The following B4GALNT4 variants were observed in gnomAD, a reference collection of about 807,000 sequenced individuals.
B4GALNT4 encodes N-acetyl-beta-glucosaminyl-glycoprotein 4-beta-N-acetylgalactosaminyltransferase 1.
B4GALNT4 carries 77 observed loss-of-function variants against 110.0 expected under a neutral mutation model. That is an observed-to-expected ratio of 0.70 (90% confidence interval 0.58 to 0.85). The LOEUF (loss-of-function observed/expected upper bound fraction) is 0.85. B4GALNT4 is among the 40% of genes least tolerant of loss of function. B4GALNT4 has a pLI of 0.00. For synonymous variants in B4GALNT4, 785 were observed against 655.5 expected (o/e 1.20, Z -3.02); for missense variants, 1,575 against 1,506.0 (o/e 1.05, Z -0.76).
At chr11:381,602 C>T (rs912759038) in intron 19 of B4GALNT4, 67 bp from the exon 20 acceptor site, 9 of 1,410,150 alleles carry the variant, frequency 6.4e-6, no homozygotes, top group South Asian at 5.8e-5. Context: ...CCCCCGGCCC[C>T]GGGGTCCTGA....
Position 372,700 on chromosome 11 carries a change from G to T in B4GALNT4, c.294G>T (p.Gly98=), listed in dbSNP as rs35475866. The change falls in exon 3 of 20, where the codon GGG becomes GGT. Residue 98 remains glycine, a synonymous_variant. Coordinates refer to ENST00000329962, the MANE Select transcript of B4GALNT4 (RefSeq NM_178537.5). ...ACCTAGACATGCTGTTTCCTGGGGG[G>T]GCTGGGAGGCTGCCACTGAACTTCA... is the stretch of plus-strand genomic sequence containing the variant. The part of the protein sequence containing the change: ...GRDLDMLFPG[G]AGRLPLNFTH... 5.1e-5 allele frequency: 82 copies of T among 1,610,852 alleles called. 1 individual carries two copies. The South Asian group carries it at 5.3e-4, about 10-fold the overall frequency.
rs372912129 is a variant in B4GALNT4 at position 373,314 on chromosome 11, G to C, written c.636+23G>C. 4 of 1,598,816 alleles carry C rather than the reference G, an allele frequency of 2.5e-6. No homozygotes were observed. The East Asian group carries it at 9.0e-5, about 36-fold the overall frequency. Reference sequence around the variant, plus strand: ...AAGGTACCCCCACCCCAGCCCTGGTGTCGTCCCGGGCCTCCTGCAGCTCAG... The same window carrying C: ...AAGGTACCCCCACCCCAGCCCTGGTCTCGTCCCGGGCCTCCTGCAGCTCAG... On this transcript the variant is annotated intron_variant, in intron 6 of 19. Transcript: ENST00000329962.
chr11:374,216 C>G (rs980074272), intron 8 of B4GALNT4, among the ~76,000 whole-genome samples: 1 of 152,216 alleles, frequency 6.6e-6, no homozygotes, highest in Non-Finnish European at 1.5e-5. Context: ...ACAGATAGGC[C>G]TTTGTCCTGA....
At position 376,360 on chromosome 11, in the gene B4GALNT4, C is replaced by A. The variant is rs199986819; in HGVS notation, c.1297+9C>A. 1.2e-6 allele frequency: 2 copies of A among 1,605,354 alleles called. No homozygotes were observed. Among genetic ancestry groups the A allele is most frequent in the South Asian group, 2.2e-5 (2 of 90,508 alleles). ...CTTCCTCAACCCGGACGGTGAGTGT[C>A]CGCAGCGCCCCTGGCCCGCACCCAC... On this transcript the variant is annotated intron_variant, in intron 13 of 19. Transcript: ENST00000329962.
chr11:370,571 C>G (rs1405456958), intron 1 of B4GALNT4, among the ~76,000 whole-genome samples: 3 of 152,162 alleles, frequency 2.0e-5, no homozygotes, highest in African/African-American at 4.8e-5. Flanking sequence ...GATGGGGTCA[C>G]GGTGAGCCAG....
In B4GALNT4 at chr11:375,932, C is replaced by G; in HGVS notation, c.1071C>G (p.Ile357Met). ...APTYVVKDFPIARYQGLQFVY... is the reference protein window; with the variant it reads ...APTYVVKDFPMARYQGLQFVY... ...CCTACGTGGTCAAGGACTTCCCGAT[C>G]GCCAGATACCAGGGCCTGCAATTTG... The change falls in exon 11 of 20, where the codon ATC (isoleucine) becomes ATG (methionine). Residue 357 changes from isoleucine to methionine, a missense_variant. Coordinates refer to ENST00000329962, the MANE Select transcript of B4GALNT4 (RefSeq NM_178537.5). 6.2e-7 allele frequency: 1 copy of G among 1,612,034 alleles called. No individual in the cohort carries two copies. The highest frequency in any genetic ancestry group is 1.1e-5 in the South Asian group (1 of 91,032).
In B4GALNT4 at chr11:373,018, C is replaced by A; in HGVS notation, c.445-8C>A. On this transcript the variant is annotated splice_polypyrimidine_tract_variant and splice_region_variant and intron_variant, in intron 4 of 19. Transcript: ENST00000329962. ...GGGCTTCGACAGCAACAGTCACTGCCCCCCCAGACGCGCACCACCGTGAAG... is the reference window on the plus strand; with the variant it reads ...GGGCTTCGACAGCAACAGTCACTGCACCCCCAGACGCGCACCACCGTGAAG... 6.2e-7 allele frequency: 1 copy of A among 1,612,366 alleles called. No individual in the cohort carries two copies. The highest frequency in any genetic ancestry group is 8.5e-7 in the Non-Finnish European group (1 of 1,179,806).
At chr11:380,761 C>T (rs907236039) in intron 18 of B4GALNT4, 64 bp from the exon 19 acceptor site, 4 of 1,586,984 alleles carry the variant, frequency 2.5e-6, no homozygotes, top group Non-Finnish European at 3.4e-6. Context: ...CCTAGCGGCG[C>T]TTTGCCGGGG....
intron 16 of B4GALNT4, 40 bp from the exon 17 acceptor site, chr11:380,090 C>T: frequency 1.3e-6 from 2 of 1,591,874 alleles, no homozygotes; most frequent in South Asian, 1.1e-5. Flanking sequence ...TTTTCCTGAC[C>T]CCACCCCCAG....
rs984303735 is a variant in B4GALNT4 at position 376,940 on chromosome 11, C to A, written c.1817C>A (p.Thr606Lys). The change falls in exon 14 of 20, where the codon ACG becomes AAG. Residue 606 changes from threonine (T) to lysine (K), a missense_variant. By Grantham distance (78) the Thr-to-Lys change is moderately conservative (BLOSUM62 -1). Coordinates refer to ENST00000329962, the MANE Select transcript of B4GALNT4 (RefSeq NM_178537.5). ...GGGGGCCGGGAGGGCCAGGCGCGCACGCTGGGACCTGCGGCGCCCACAGTG... is the reference window on the plus strand; with the variant it reads ...GGGGGCCGGGAGGGCCAGGCGCGCAAGCTGGGACCTGCGGCGCCCACAGTG... Reference protein sequence around the residue: ...TQGGREGQARTLGPAAPTVDS... With the variant: ...TQGGREGQARKLGPAAPTVDS... 7.0e-7 allele frequency: 1 copy of A among 1,437,256 alleles called. No homozygotes were observed. Among genetic ancestry groups the A allele is most frequent in the African/African-American group, 1.5e-5 (1 of 66,042 alleles). 89.0% of individuals were successfully genotyped at this position (1,437,256 alleles called of 1,614,324 possible). A position where few individuals can be genotyped will look rare whatever the true frequency, so the allele number is the denominator to read the frequency against.
At chr11:377,772 G>A (rs1417345451) in intron 14 of B4GALNT4, among the ~76,000 whole-genome samples, 1 of 152,230 alleles carries the variant, frequency 6.6e-6, no homozygotes, top group East Asian at 1.9e-4. Flanking sequence ...GTGCCCCTGG[G>A]CGTTCCCAGA....
chr11:372,274 G>A, intron 2 of B4GALNT4, 62 bp downstream of exon 2: 4 of 1,463,462 alleles, frequency 2.7e-6, no homozygotes, highest in Non-Finnish European at 3.7e-6. Context: ...CCACTTGTGT[G>A]TTGGTGTCTT....
At chr11:381,072 C>T (rs79979374) in intron 19 of B4GALNT4, 121 bp downstream of exon 19, 111,755 of 1,479,710 alleles carry the variant, frequency 0.076, 4,750 homozygotes, top group Admixed American at 0.15. Context: ...CTGCCCTTCC[C>T]GGTCTTCCCA....
chr11:372,511 C>T (rs1231267352), intron 2 of B4GALNT4, 151 bp from the exon 3 acceptor site: 3 of 757,980 alleles, frequency 4.0e-6, no homozygotes, highest in Non-Finnish European at 6.8e-6. Flanking sequence ...TGCCAGGTGC[C>T]ACAGGTCAGG....
At chr11:372,075 TG>T in intron 1 of B4GALNT4, 33 bp from the exon 2 acceptor site, 1 of 1,522,590 alleles carries the variant, frequency 6.6e-7, no homozygotes, top group Non-Finnish European at 8.9e-7. Context: ...GGAGAGAGCC[TG>T]GGCCCGAGAC....
At chr11:377,813 AG>A (rs1419863209) in intron 14 of B4GALNT4, among the ~76,000 whole-genome samples, 1 of 152,204 alleles carries the variant, frequency 6.6e-6, no homozygotes, top group East Asian at 1.9e-4. Context: ...AGGAAGGTGC[AG>A]GGCTTCTGCC....
In B4GALNT4 at chr11:381,971, G is replaced by A. The variant is rs1339848474; in HGVS notation, c.*179G>A. The A allele has an allele frequency of 1.5e-6, 1 of 656,318 alleles. No homozygotes were observed. The highest frequency in any genetic ancestry group is 2.3e-6 in the Non-Finnish European group (1 of 432,922). 40.7% of individuals were successfully genotyped at this position (656,318 alleles called of 1,614,324 possible). On this transcript the variant is annotated 3_prime_UTR_variant, in exon 20 of 20. Transcript: ENST00000329962. ...CCTCCCCGGAGAGGCAGCCTTCACG[G>A]CGGGTCAGGGCCTGGCCTTGGTCCC...
rs138345753 is a variant in B4GALNT4 at position 373,515 on chromosome 11, C to A, written c.703C>A (p.Arg235=). Residue 235 remains arginine, a splice_region_variant and synonymous_variant, in exon 7 of 20, where the codon CGG becomes AGG. Transcript: ENST00000329962. ...CAGCTCCCAGGTGTCCAAGCCCAGG[C>A]GGTGAGTGACTGTGGGGTGCATGTG... ...KFSSQVSKPR[R]LMASRRYYFE... The A allele has an allele frequency of 5.6e-6, 9 of 1,612,050 alleles. 2 individuals are homozygous for A. In the South Asian group the frequency reaches 6.6e-5, roughly 12 times the overall value.
chr11:378,294 G>A (rs1368702574), intron 14 of B4GALNT4, among the ~76,000 whole-genome samples: 1 of 152,162 alleles, frequency 6.6e-6, no homozygotes, highest in Non-Finnish European at 1.5e-5. Context: ...GGAAGGGAAG[G>A]TGGTGGTGGT....
Sources: allele counts gnomAD v4.1 joint callset (sites outside exome capture counted in the v4.1 genomes callset), GRCh38; gene constraint gnomAD v4.1.1; transcripts MANE v1.5; gene names NCBI Gene and HGNC (gene_info 2026-07-23, HGNC 2026-07-21).